ZBTB7C: variants seen among roughly 807,000 people sequenced by gnomAD.
ZBTB7C encodes the protein zinc finger and BTB domain-containing protein 7C.
In ZBTB7C, 8 loss-of-function variants were observed where a neutral mutation model predicts 25.7. The observed-to-expected ratio is 0.31, with a 90% confidence interval of 0.18 to 0.56. ZBTB7C has a LOEUF of 0.56. ZBTB7C is among the 20% of genes least tolerant of loss of function. The probability of loss-of-function intolerance (pLI) is 0.91; values close to 1 mark genes in which losing one functional copy is unlikely to be tolerated. For missense variants in ZBTB7C, 824 were observed against 855.2 expected, an observed-to-expected ratio of 0.96 and a Z score of 0.46; for synonymous variants, 394 against 369.0, an observed-to-expected ratio of 1.07 and a Z score of -0.78.
intron 3 of ZBTB7C, among the ~76,000 whole-genome samples, chr18:48,156,778 AG>A (rs34835824): frequency 6.6e-6 from 1 of 152,120 alleles, no homozygotes; most frequent in East Asian, 1.9e-4. Flanking sequence ...AAGGAACAGC[AG>A]GGAATGTCAA....
intron 1 of ZBTB7C, among the ~76,000 whole-genome samples, chr18:48,376,900 C>T (rs752631225): frequency 1.3e-5 from 2 of 152,242 alleles, no homozygotes; most frequent in African/African-American, 4.8e-5. Context: ...TGCACAGAAA[C>T]GCAAAGAGGG....
chr18:48,076,213 T>G (rs947217607), intron 3 of ZBTB7C, among the ~76,000 whole-genome samples: 1 of 152,252 alleles, frequency 6.6e-6, no homozygotes, highest in African/African-American at 2.4e-5. Context: ...TTTACTCCTG[T>G]GACCTGACTT....
At chr18:48,103,540 A>C (rs569028808) in intron 3 of ZBTB7C, among the ~76,000 whole-genome samples, 1 of 152,220 alleles carries the variant, frequency 6.6e-6, no homozygotes, top group African/African-American at 2.4e-5. Flanking sequence ...AAAATGGATA[A>C]AAAGATATGT....
intron 3 of ZBTB7C, among the ~76,000 whole-genome samples, chr18:48,141,559 C>A (rs777069771): frequency 7.2e-5 from 11 of 152,008 alleles, no homozygotes; most frequent in Non-Finnish European, 1.5e-4. Flanking sequence ...AATTCGTGAA[C>A]TGGGCGGGGG....
chr18:48,266,893 T>C (rs1253265874), intron 2 of ZBTB7C, among the ~76,000 whole-genome samples: 1 of 152,150 alleles, frequency 6.6e-6, no homozygotes, highest in Non-Finnish European at 1.5e-5. Flanking sequence ...AGGAATATTA[T>C]AAGATATGTG....
chr18:48,243,645 C>T (rs989138953), intron 2 of ZBTB7C, among the ~76,000 whole-genome samples: 2 of 152,120 alleles, frequency 1.3e-5, no homozygotes, highest in African/African-American at 4.8e-5. Context: ...AAAATACTAT[C>T]ATCATTTTTC....
At chr18:48,168,999 T>G (rs2145009761) in intron 3 of ZBTB7C, among the ~76,000 whole-genome samples, 1 of 152,282 alleles carries the variant, frequency 6.6e-6, no homozygotes, top group South Asian at 2.1e-4. Flanking sequence ...TGGCAGCCCT[T>G]GGTGAATGTT....
chr18:48,074,914 C>T (rs527431876), intron 3 of ZBTB7C, among the ~76,000 whole-genome samples: 1 of 152,296 alleles, frequency 6.6e-6, no homozygotes, highest in African/African-American at 2.4e-5. Flanking sequence ...TGTGATGGGT[C>T]ACACACTTAT....
rs1348311119 is a variant in ZBTB7C, at chr18:48,059,717, C to T, written c.-16-18594G>A. 2.0e-5 allele frequency among the ~76,000 whole-genome samples: 3 copies of T among 152,170 alleles called. No homozygotes were observed. In the East Asian group the frequency reaches 5.8e-4, roughly 29 times the overall value. On this transcript the variant is annotated intron_variant, in intron 3 of 4. Transcript: ENST00000590800. ...TTTCAGCTTTCCTGACACTTAATTCCAAATACATGGTACACTTAATCCCAC... is the reference window on the plus strand; with the variant it reads ...TTTCAGCTTTCCTGACACTTAATTCTAAATACATGGTACACTTAATCCCAC...
chr18:48,331,904 T>C (rs2046349762), intron 2 of ZBTB7C, among the ~76,000 whole-genome samples: 2 of 152,224 alleles, frequency 1.3e-5, no homozygotes, highest in Non-Finnish European at 2.9e-5. Flanking sequence ...AAAATGTTTG[T>C]GTATGTTGTT....
intron 3 of ZBTB7C, among the ~76,000 whole-genome samples, chr18:48,096,059 C>T (rs559275773): frequency 6.6e-6 from 1 of 152,298 alleles, no homozygotes; most frequent in East Asian, 1.9e-4. Flanking sequence ...GCAGCTCTGC[C>T]GTTATCGGGG....
intron 1 of ZBTB7C, among the ~76,000 whole-genome samples, chr18:48,398,042 G>A (rs1034288103): frequency 5.9e-5 from 9 of 152,218 alleles, no homozygotes; most frequent in African/African-American, 2.2e-4. Context: ...CCTGCTGATG[G>A]AGGTCTACAC....
intron 2 of ZBTB7C, among the ~76,000 whole-genome samples, chr18:48,279,792 G>A (rs1392453970): frequency 6.6e-6 from 1 of 152,198 alleles, no homozygotes; most frequent in African/African-American, 2.4e-5. Context: ...GCAGAGAGCA[G>A]GGGAAGCACT....
At chr18:48,160,294 T>C (rs1232960557) in intron 3 of ZBTB7C, among the ~76,000 whole-genome samples, 1 of 152,224 alleles carries the variant, frequency 6.6e-6, no homozygotes, top group Non-Finnish European at 1.5e-5. Context: ...GTTGAGGGCT[T>C]GTTCATGCAT....
chr18:48,048,171 T>C (rs2036547626), intron 3 of ZBTB7C, among the ~76,000 whole-genome samples: 1 of 151,694 alleles, frequency 6.6e-6, no homozygotes, highest in South Asian at 2.1e-4. Context: ...GGAGTGCAAA[T>C]GAGTGGTATG....
rs550524420 is a variant in ZBTB7C, at chr18:48,181,290, A to C, written c.-17+4644T>G. ...CCCCTTGCTCTCTAAGGCTAAGGAA[A>C]CCTTCCATGCAGGAGTGCTGTGAGC... On this transcript the variant is annotated intron_variant, in intron 3 of 4. Coordinates refer to ENST00000590800, the MANE Select transcript of ZBTB7C (RefSeq NM_001318841.2). Among the ~76,000 whole-genome samples the C allele has an allele frequency of 1.4e-3, 206 of 152,278 alleles. 1 individual carries two copies. Among genetic ancestry groups the C allele is most frequent in the African/African-American group, 4.8e-3 (201 of 41,550 alleles).
At chr18:48,332,822 C>T (rs1166527904) in intron 2 of ZBTB7C, among the ~76,000 whole-genome samples, 1 of 151,984 alleles carries the variant, frequency 6.6e-6, no homozygotes, top group East Asian at 1.9e-4. Context: ...ATGGCTTCCT[C>T]CCCTCATCTC....
intron 3 of ZBTB7C, chr18:48,150,412 T>C (rs2040638443): frequency 6.6e-6 from 1 of 151,954 alleles, no homozygotes; most frequent in African/African-American, 2.4e-5. Flanking sequence ...CAAAACTCTG[T>C]CTCTACTAAA....
chr18:48,395,640 C>A (rs1599035583), intron 1 of ZBTB7C, among the ~76,000 whole-genome samples: 1 of 152,078 alleles, frequency 6.6e-6, no homozygotes, highest in South Asian at 2.1e-4. Flanking sequence ...ATGAAGCAGG[C>A]GGGAAGGAGA....
Sources: allele counts gnomAD v4.1 joint callset (sites outside exome capture counted in the v4.1 genomes callset), GRCh38; gene constraint gnomAD v4.1.1; transcripts MANE v1.5; gene names NCBI Gene and HGNC (gene_info 2026-07-23, HGNC 2026-07-21).